The following ITPR2 variants were observed in gnomAD, a reference collection of about 807,000 sequenced individuals.
ITPR2 encodes the protein inositol 1,4,5-trisphosphate receptor type 2, also known as inositol 1,4,5-trisphosphate-gated calcium channel ITPR2.
A neutral mutation model predicts 317.1 loss-of-function variants in ITPR2; 207 were observed. The ratio of observed to expected loss-of-function variants is 0.65; its 90% confidence interval spans 0.58 to 0.73. The LOEUF (loss-of-function observed/expected upper bound fraction) is 0.73. Among genes scored for constraint, ITPR2 ranks in the 30% least tolerant of loss-of-function variants. The pLI, the probability that ITPR2 is intolerant of heterozygous loss-of-function variation, is 0.00. For synonymous variants in ITPR2, 1,156 were observed against 1,149.1 expected, an observed-to-expected ratio of 1.01 and a Z score of -0.12; for missense variants, 2,613 against 3,284.0, an observed-to-expected ratio of 0.80 and a Z score of 4.99.
chr12:26,550,908 G>T (rs1027651), intron 36 of ITPR2, among the ~76,000 whole-genome samples: 4,648 of 152,086 alleles, frequency 0.031, 181 homozygotes, highest in African/African-American at 0.086. Flanking sequence ...CAAAACAAAA[G>T]TGACATCAAG....
chr12:26,704,632 TTCTC>T (rs3058700), intron 9 of ITPR2, among the ~76,000 whole-genome samples: 2,662 of 145,460 alleles, frequency 0.018, 43 homozygotes, highest in African/African-American at 0.043. Context: ...ACTCTGCATT[TTCTC>T]TCTGTTTCCT....
chr12:26,785,563 T>C (rs1592129950), intron 2 of ITPR2, among the ~76,000 whole-genome samples: 2 of 23,508 alleles, frequency 8.5e-5, no homozygotes, highest in African/African-American at 1.1e-4. Flanking sequence ...GTGGGGGGGG[T>C]CAGCCCCCCG....
chr12:26,676,163 A>T (rs574545659), intron 13 of ITPR2, among the ~76,000 whole-genome samples: 28 of 151,328 alleles, frequency 1.9e-4, no homozygotes, highest in African/African-American at 6.6e-4. Context: ...ATCTCAAAAA[A>T]ATAAAAAAGA....
intron 21 of ITPR2, among the ~76,000 whole-genome samples, chr12:26,632,502 A>G (rs1466414354): frequency 1.3e-5 from 2 of 152,220 alleles, no homozygotes; most frequent in Non-Finnish European, 2.9e-5. Context: ...CCAGCATCAT[A>G]ATCTGATCCT....
chr12:26,353,960 A>G (rs375274261), intron 55 of ITPR2, among the ~76,000 whole-genome samples: 13 of 152,348 alleles, frequency 8.5e-5, no homozygotes, highest in African/African-American at 3.1e-4. Context: ...TGCAACAACA[A>G]AAATGCAAAA....
chr12:26,554,845 T>C (rs1944622321), intron 36 of ITPR2, among the ~76,000 whole-genome samples: 2 of 152,138 alleles, frequency 1.3e-5, no homozygotes, highest in African/African-American at 4.8e-5. Flanking sequence ...CACATGCATG[T>C]ATGTGCAGTG....
At chr12:26,427,304 A>G (rs754578440) in intron 49 of ITPR2, among the ~76,000 whole-genome samples, 50 of 152,096 alleles carry the variant, frequency 3.3e-4, no homozygotes, top group Non-Finnish European at 6.5e-4. Context: ...TCCCTTTAAA[A>G]TTGTATTTCT....
chr12:26,480,730 C>T (rs1212277225), intron 43 of ITPR2, among the ~76,000 whole-genome samples: 1 of 152,070 alleles, frequency 6.6e-6, no homozygotes, highest in African/African-American at 2.4e-5. Flanking sequence ...ATCCCAGCTA[C>T]TCAGGAGGCT....
intron 55 of ITPR2, among the ~76,000 whole-genome samples, chr12:26,341,010 T>G (rs538553022): frequency 3.5e-4 from 53 of 152,266 alleles, no homozygotes; most frequent in African/African-American, 1.3e-3. Flanking sequence ...GTGTGTGTTT[T>G]TCCTCCAATC....
chr12:26,622,498 C>A, intron 24 of ITPR2, 93 bp from the exon 25 acceptor site: 1 of 1,008,494 alleles, frequency 9.9e-7, no homozygotes, highest in Non-Finnish European at 1.4e-6. Context: ...AGAGGTATAT[C>A]ATTTGTTTTA....
In ITPR2 at chr12:26,600,038, T is replaced by C. The variant is rs372639335; in HGVS notation, c.3750A>G (p.Pro1250=). The change falls in exon 29 of 57, where the codon CCA becomes CCG. Residue 1250 remains proline, a synonymous_variant. Transcript: ENST00000381340. ...TFLQNFCRGN[P]QNQVLLHKHL... ...GTTTATGAAGAAGAACTTGATTCTG[T>C]GGATTTCCTCGACAGAAATTCTGCA... 112 of 1,606,826 alleles carry C rather than the reference T, an allele frequency of 7.0e-5. No homozygotes were observed. Among genetic ancestry groups the C allele is most frequent in the Non-Finnish European group, 9.1e-5 (107 of 1,173,738 alleles).
chr12:26,476,381 G>C (rs901307001), intron 44 of ITPR2, among the ~76,000 whole-genome samples: 1 of 152,146 alleles, frequency 6.6e-6, no homozygotes, highest in Non-Finnish European at 1.5e-5. Flanking sequence ...TGCCACGAGT[G>C]AGAAAGAAAA....
intron 2 of ITPR2, among the ~76,000 whole-genome samples, chr12:26,788,958 G>A (rs1950301384): frequency 6.6e-6 from 1 of 152,110 alleles, no homozygotes; most frequent in African/African-American, 2.4e-5. Context: ...GTCTCTGGCA[G>A]GTTGTTCCTG....
chr12:26,437,367 T>C (rs1264819677), intron 47 of ITPR2, among the ~76,000 whole-genome samples: 2 of 152,242 alleles, frequency 1.3e-5, no homozygotes, highest in Non-Finnish European at 1.5e-5. Context: ...TGTACTTCTC[T>C]TTAGTACATC....
chr12:26,466,428 G>A (rs1297410458), intron 45 of ITPR2, among the ~76,000 whole-genome samples: 1 of 152,170 alleles, frequency 6.6e-6, no homozygotes, highest in Non-Finnish European at 1.5e-5. Context: ...AAGGCCTCGG[G>A]TATACTTAGA....
chr12:26,656,496 T>C lies in ITPR2; in HGVS notation c.2245A>G (p.Ile749Val). The change falls in exon 19 of 57, where the codon ATA becomes GTA. Residue 749 changes from isoleucine to valine, a missense_variant. By Grantham distance (29) the Ile-to-Val change is conservative. Coordinates refer to ENST00000381340, the MANE Select transcript of ITPR2 (RefSeq NM_002223.4). ...GACAGCTGTGTAGAAATCTGGTTTA[T>C]GGCCAGATACTGGCGATCCAAGCAC... The part of the protein sequence containing the change: ...RMCLDRQYLA[I>V]NQISTQLSVD... 1.2e-6 allele frequency: 2 copies of C among 1,614,210 alleles called. No homozygotes were observed. The highest frequency in any genetic ancestry group is 1.7e-6 in the Non-Finnish European group (2 of 1,180,020).
At chr12:26,543,117 G>T (rs1417750357) in intron 37 of ITPR2, among the ~76,000 whole-genome samples, 1 of 152,082 alleles carries the variant, frequency 6.6e-6, no homozygotes, top group Non-Finnish European at 1.5e-5. Context: ...GCGGGAAATT[G>T]ACCCCCAAAA....
chr12:26,381,796 GC>G (rs1477350741), intron 55 of ITPR2, among the ~76,000 whole-genome samples: 8 of 152,226 alleles, frequency 5.3e-5, no homozygotes, highest in African/African-American at 1.9e-4. Flanking sequence ...CTCACTAGCA[GC>G]CCAGTGCTGT....
chr12:26,676,278 A>T (rs542434816), intron 13 of ITPR2, among the ~76,000 whole-genome samples: 40 of 152,300 alleles, frequency 2.6e-4, no homozygotes, highest in African/African-American at 9.6e-4. Context: ...GGAGTTCGAG[A>T]CCATCCTGGC....
Sources: gnomAD v4.1 joint callset for allele counts (sites outside exome capture counted in the v4.1 genomes callset) on GRCh38, gnomAD v4.1.1 for gene constraint, MANE v1.5 for transcripts, NCBI Gene and HGNC (gene_info 2026-07-23, HGNC 2026-07-21) for gene names.